Variants in ZMYM4 observed in about 807,000 individuals in gnomAD.
ZMYM4 encodes the protein zinc finger MYM-type containing 4, also known as zinc finger MYM-type protein 4.
ZMYM4 carries 31 observed loss-of-function variants against 183.2 expected under a neutral mutation model. That is an observed-to-expected ratio of 0.17 (90% CI 0.13 to 0.23). ZMYM4 has a LOEUF of 0.23. Ranked by LOEUF, ZMYM4 falls within the 10% of genes least tolerant of loss-of-function variation. ZMYM4 has a pLI of 1.00. For synonymous variants in ZMYM4, 592 were observed against 631.2 expected (o/e 0.94, Z 0.93); for missense variants, 1,273 against 1,840.3 (o/e 0.69, Z 5.64).
intron 5 of ZMYM4, chr1:35,366,150 C>T (rs1156763831): frequency 6.6e-6 from 1 of 152,070 alleles, no homozygotes; most frequent in Non-Finnish European, 1.5e-5. Context: ...CATGATTAGT[C>T]GATGTTAGAA....
At chr1:35,297,791 C>T (rs1476564704) in intron 1 of ZMYM4, among the ~76,000 whole-genome samples, 1 of 152,186 alleles carries the variant, frequency 6.6e-6, no homozygotes, top group East Asian at 1.9e-4. Flanking sequence ...CTAGTTCCTG[C>T]TTGAGCCCTA....
chr1:35,273,459 A>G (rs1461495448), intron 1 of ZMYM4, among the ~76,000 whole-genome samples: 2 of 152,202 alleles, frequency 1.3e-5, no homozygotes, highest in East Asian at 3.8e-4. Context: ...GGTCTAACTA[A>G]ATCGGGCGGC....
intron 1 of ZMYM4, among the ~76,000 whole-genome samples, chr1:35,284,917 T>C (rs12143284): frequency 1.6e-4 from 24 of 152,172 alleles, no homozygotes; most frequent in Admixed American, 3.3e-4. Context: ...CCAAGTATTA[T>C]TACATGGGGG....
intron 1 of ZMYM4, among the ~76,000 whole-genome samples, chr1:35,319,392 G>C (rs1170022966): frequency 6.6e-6 from 1 of 152,102 alleles, no homozygotes; most frequent in East Asian, 1.9e-4. Flanking sequence ...GGGAGGCTGA[G>C]GTGGGAAGAT....
chr1:35,289,566 G>A (rs1026263345), intron 1 of ZMYM4, among the ~76,000 whole-genome samples: 2 of 152,150 alleles, frequency 1.3e-5, no homozygotes, highest in Non-Finnish European at 2.9e-5. Flanking sequence ...TTTAAAAATT[G>A]GTGATTACTT....
intron 15 of ZMYM4, among the ~76,000 whole-genome samples, chr1:35,391,868 C>A (rs1644711981): frequency 2.0e-5 from 3 of 151,038 alleles, no homozygotes; most frequent in Admixed American, 1.3e-4. Context: ...TGGTGAAACC[C>A]CGTCTCTACT....
At chr1:35,304,625 A>AT (rs913268346) in intron 1 of ZMYM4, among the ~76,000 whole-genome samples, 28 of 143,770 alleles carry the variant, frequency 1.9e-4, no homozygotes, top group South Asian at 1.3e-3. Context: ...TGCCTGGCTA[A>AT]TTTTTTTTTT....
intron 1 of ZMYM4, among the ~76,000 whole-genome samples, chr1:35,275,236 TTC>T (rs1319961514): frequency 6.6e-6 from 1 of 152,176 alleles, no homozygotes; most frequent in Non-Finnish European, 1.5e-5. Flanking sequence ...TGGAAAGATT[TTC>T]TTTTTTCTTT....
At chr1:35,284,544 T>A (rs1258873525) in intron 1 of ZMYM4, among the ~76,000 whole-genome samples, 1 of 152,230 alleles carries the variant, frequency 6.6e-6, no homozygotes, top group Admixed American at 6.5e-5. Context: ...GAAGAGCCTG[T>A]TCTTTCCCCA....
intron 27 of ZMYM4, among the ~76,000 whole-genome samples, chr1:35,415,208 A>T (rs1264427507): frequency 1.3e-5 from 2 of 152,170 alleles, no homozygotes; most frequent in Non-Finnish European, 2.9e-5. Flanking sequence ...CTGGCCCTTT[A>T]TAAAGACAGC....
intron 7 of ZMYM4, among the ~76,000 whole-genome samples, chr1:35,375,805 G>A (rs750140635): frequency 2.0e-5 from 3 of 152,198 alleles, no homozygotes; most frequent in Non-Finnish European, 2.9e-5. Context: ...GCTGGGAGCA[G>A]TGGCTCATGC....
rs975929362 is a variant in ZMYM4, at chr1:35,389,832, A to G, written c.2437-116A>G. 2.5e-5 allele frequency: 24 copies of G among 960,806 alleles called. No homozygotes were observed. Among genetic ancestry groups the G allele is most frequent in the Admixed American group, 5.5e-5 (2 of 36,254 alleles). The allele number at this position is 960,806 out of a possible 1,614,324, so 59.5% of individuals were successfully genotyped here. A position where few individuals can be genotyped will look rare whatever the true frequency, so the allele number is the denominator to read the frequency against. Reference sequence around the variant, plus strand: ...GTATAATCATTGATAAAGACAAACTAATTTTTTGATCTAAATTCTAAGTTA... The same window carrying G: ...GTATAATCATTGATAAAGACAAACTGATTTTTTGATCTAAATTCTAAGTTA... On this transcript the variant is annotated intron_variant, in intron 14 of 29. Coordinates refer to ENST00000314607, the MANE Select transcript of ZMYM4 (RefSeq NM_005095.3). This position sits in a 1 kb window ranked among gnomAD's most constrained non-coding sequence, Gnocchi z 4.0.
At chr1:35,346,802 A>G (rs1643413796) in intron 2 of ZMYM4, among the ~76,000 whole-genome samples, 1 of 152,116 alleles carries the variant, frequency 6.6e-6, no homozygotes, top group Non-Finnish European at 1.5e-5. Context: ...CAACATTTCT[A>G]TAGATGTAGT....
Position 35,268,984 on chromosome 1 carries a change from G to A in ZMYM4, c.-63G>A. 1 of 1,488,266 alleles carries A rather than the reference G, an allele frequency of 6.7e-7. No homozygotes were observed. Among genetic ancestry groups the A allele is most frequent in the Non-Finnish European group, 8.9e-7 (1 of 1,118,034 alleles). 92.2% of individuals were successfully genotyped at this position (1,488,266 alleles called of 1,614,324 possible). ...GTGCCTGCAGTGTGGGCGGGGGCCGGGGGGCCGAGAGGTACCGCCGCCACC... is the reference window on the plus strand; with the variant it reads ...GTGCCTGCAGTGTGGGCGGGGGCCGAGGGGCCGAGAGGTACCGCCGCCACC... On this transcript the variant is annotated 5_prime_UTR_variant, in exon 1 of 30. Coordinates refer to ENST00000314607, the MANE Select transcript of ZMYM4 (RefSeq NM_005095.3).
chr1:35,399,452 T>G (rs762086207), intron 22 of ZMYM4, 30 bp from the exon 23 acceptor site: 101 of 1,595,122 alleles, frequency 6.3e-5, no homozygotes, highest in Non-Finnish European at 8.1e-5. Context: ...GTTATTTACC[T>G]CATGTTGTCC....
In ZMYM4 at chr1:35,269,092, G is replaced by A. The variant is rs753943423; in HGVS notation, c.39+7G>A. On this transcript the variant is annotated splice_region_variant and intron_variant, in intron 1 of 29. Transcript: ENST00000314607. ...GTCCGGCCCCCGAAAGAGGGTAGGT[G>A]AGGTGAGGCAGAACTCGGGCGGCGG... 9.7e-6 allele frequency: 15 copies of A among 1,549,106 alleles called. No homozygotes were observed. The highest frequency in any genetic ancestry group is 1.2e-5 in the Non-Finnish European group (14 of 1,146,518).
rs537840627 is a variant in ZMYM4, at chr1:35,421,158, T to C, written c.*1481T>C. The stretch of plus-strand genomic sequence containing the variant: ...GGGTATCTCATTTTTTAGGTGGGGG[T>C]GGCAGGTGTATTTCTTTTTTAACAA... On this transcript the variant is annotated 3_prime_UTR_variant, in exon 30 of 30. Transcript: ENST00000314607. The C allele has an allele frequency of 3.3e-5, 5 of 152,728 alleles. No individual in the cohort carries two copies. Among genetic ancestry groups the C allele is most frequent in the African/African-American group, 9.6e-5 (4 of 41,566 alleles). 9.5% of individuals were successfully genotyped at this position (152,728 alleles called of 1,614,324 possible). A position where few individuals can be genotyped will look rare whatever the true frequency, so the allele number is the denominator to read the frequency against.
At chr1:35,375,979 G>A (rs184215833) in intron 7 of ZMYM4, among the ~76,000 whole-genome samples, 1 of 152,098 alleles carries the variant, frequency 6.6e-6, no homozygotes, top group Admixed American at 6.5e-5. Flanking sequence ...GGGAGGATGA[G>A]GTGAGAGGAT....
intron 2 of ZMYM4, among the ~76,000 whole-genome samples, chr1:35,342,147 G>T (rs1161517956): frequency 6.6e-6 from 1 of 151,846 alleles, no homozygotes; most frequent in Non-Finnish European, 1.5e-5. Context: ...ATTTTTCAAG[G>T]CATTTGTTCA....
Sources: allele counts gnomAD v4.1 joint callset (sites outside exome capture counted in the v4.1 genomes callset), GRCh38; gene constraint gnomAD v4.1.1; non-coding constraint Gnocchi (gnomAD v3.1); transcripts MANE v1.5; gene names NCBI Gene and HGNC (gene_info 2026-07-23, HGNC 2026-07-21).